The following ROBO1 variants were observed in gnomAD, a reference collection of about 807,000 sequenced individuals.
The protein encoded by ROBO1 is roundabout homolog 1.
A neutral mutation model predicts 195.9 loss-of-function variants in ROBO1; 149 were observed. The observed-to-expected ratio is 0.76, with a 90% confidence interval of 0.67 to 0.87. The LOEUF (loss-of-function observed/expected upper bound fraction) is 0.87, where lower values mean the gene tolerates loss of function less well. ROBO1 is among the 40% of genes least tolerant of loss of function. The pLI is 0.00. For missense variants in ROBO1, 1,933 were observed against 2,068.3 expected (o/e 0.93, Z 1.27); for synonymous variants, 816 against 733.2 (o/e 1.11, Z -1.82).
At chr3:79,028,698 T>A (rs183039755) in intron 3 of ROBO1, among the ~76,000 whole-genome samples, 134 of 152,078 alleles carry the variant, frequency 8.8e-4, no homozygotes, top group Admixed American at 4.2e-3. Context: ...AACCAACATA[T>A]GTAAGAGTAA....
intron 4 of ROBO1, among the ~76,000 whole-genome samples, chr3:78,868,834 T>C (rs1327812767): frequency 6.6e-6 from 1 of 152,168 alleles, no homozygotes; most frequent in Non-Finnish European, 1.5e-5. Flanking sequence ...GAACAATGGG[T>C]ATGTAGATGT....
intron 10 of ROBO1, among the ~76,000 whole-genome samples, chr3:78,682,743 TTATA>T (rs2080955451): frequency 6.8e-6 from 1 of 147,722 alleles, no homozygotes; most frequent in African/African-American, 2.5e-5. Context: ...ATCATATATA[TTATA>T]TATAATATAT....
intron 2 of ROBO1, among the ~76,000 whole-genome samples, chr3:79,416,623 A>C (rs949045970): frequency 6.6e-6 from 1 of 151,358 alleles, no homozygotes; most frequent in South Asian, 2.1e-4. Context: ...AAAAACCGAA[A>C]GAAAGAAAGA....
intron 8 of ROBO1, 66 bp downstream of exon 8, chr3:78,714,331 C>A: frequency 1.3e-6 from 2 of 1,502,240 alleles, no homozygotes; most frequent in Admixed American, 2.1e-5. Flanking sequence ...ATAATATTTT[C>A]TTCAATTATC....
At chr3:79,603,246 A>T (rs1944389268) in intron 1 of ROBO1, among the ~76,000 whole-genome samples, 1 of 148,096 alleles carries the variant, frequency 6.8e-6, no homozygotes, top group African/African-American at 2.6e-5. Context: ...TATCAAAACA[A>T]CCCTCCTCAT....
intron 2 of ROBO1, among the ~76,000 whole-genome samples, chr3:79,182,508 G>A (rs1196831971): frequency 1.3e-5 from 2 of 151,768 alleles, no homozygotes; most frequent in Non-Finnish European, 2.9e-5. Flanking sequence ...GATACATAAT[G>A]AAATAGGTCT....
At chr3:79,407,444 T>C (rs1041778002) in intron 2 of ROBO1, among the ~76,000 whole-genome samples, 1 of 152,224 alleles carries the variant, frequency 6.6e-6, no homozygotes, top group African/African-American at 2.4e-5. Context: ...TACAAATTTA[T>C]GACACTTGTT....
At chr3:79,219,211 T>C (rs936004963) in intron 2 of ROBO1, among the ~76,000 whole-genome samples, 1 of 151,972 alleles carries the variant, frequency 6.6e-6, no homozygotes, top group Non-Finnish European at 1.5e-5. Context: ...TTTTCAATTG[T>C]TTGTTTTTTG....
At chr3:79,054,974 C>T (rs1411815256) in intron 3 of ROBO1, among the ~76,000 whole-genome samples, 3 of 152,248 alleles carry the variant, frequency 2.0e-5, no homozygotes, top group African/African-American at 4.8e-5. Context: ...CAGTACAATG[C>T]TTGTCCACCT....
chr3:79,002,780 C>G (rs937486751), intron 3 of ROBO1, among the ~76,000 whole-genome samples: 1 of 152,104 alleles, frequency 6.6e-6, no homozygotes, highest in Non-Finnish European at 1.5e-5. Context: ...AAGTTGGAAA[C>G]AGTGTCTCGG....
At chr3:79,762,196 T>A (rs1341704485) in intron 1 of ROBO1, among the ~76,000 whole-genome samples, 1 of 152,134 alleles carries the variant, frequency 6.6e-6, no homozygotes, top group Non-Finnish European at 1.5e-5. Flanking sequence ...ATTTGGTGTC[T>A]GGGGAGGACC....
At chr3:79,234,388 T>G (rs577164510) in intron 2 of ROBO1, among the ~76,000 whole-genome samples, 1 of 152,238 alleles carries the variant, frequency 6.6e-6, no homozygotes, top group South Asian at 2.1e-4. Flanking sequence ...GGGGTCCAGT[T>G]TCATTCTGCA....
intron 2 of ROBO1, among the ~76,000 whole-genome samples, chr3:79,467,621 G>T (rs1938036147): frequency 6.6e-6 from 1 of 151,862 alleles, no homozygotes; most frequent in South Asian, 2.1e-4. Flanking sequence ...TACCCTTTTG[G>T]GCTCACCACC....
At chr3:78,681,115 C>T (rs991962369) in intron 10 of ROBO1, among the ~76,000 whole-genome samples, 5 of 150,186 alleles carry the variant, frequency 3.3e-5, no homozygotes, top group Non-Finnish European at 5.9e-5. Flanking sequence ...TTCTCACTCA[C>T]AGGTGGGAAT....
intron 3 of ROBO1, among the ~76,000 whole-genome samples, chr3:79,083,396 C>CTA (rs1378016235): frequency 6.6e-6 from 1 of 152,064 alleles, no homozygotes; most frequent in Non-Finnish European, 1.5e-5. Context: ...CATTGTTGTG[C>CTA]TATATATAGA....
At chr3:79,338,676 T>C (rs2034784669) in intron 2 of ROBO1, among the ~76,000 whole-genome samples, 1 of 152,184 alleles carries the variant, frequency 6.6e-6, no homozygotes, top group African/African-American at 2.4e-5. Flanking sequence ...TGCATTCTCA[T>C]TTGCTGGTAA....
chr3:79,570,389 C>T (rs1399983127), intron 2 of ROBO1, among the ~76,000 whole-genome samples: 2 of 151,866 alleles, frequency 1.3e-5, no homozygotes, highest in Non-Finnish European at 2.9e-5. Context: ...ACTATCCTAA[C>T]AAACTGGATT....
intron 1 of ROBO1, among the ~76,000 whole-genome samples, chr3:79,650,752 T>G (rs1945980458): frequency 1.3e-5 from 2 of 152,066 alleles, no homozygotes; most frequent in African/African-American, 2.4e-5. Flanking sequence ...AAAATAATAG[T>G]AATCTGAAGA....
intron 4 of ROBO1, among the ~76,000 whole-genome samples, chr3:78,751,612 CT>C (rs1002464275): frequency 6.6e-6 from 1 of 152,112 alleles, no homozygotes; most frequent in Admixed American, 6.6e-5. Flanking sequence ...ATATTTCAGA[CT>C]CATTCTATTG....
Sources: allele counts gnomAD v4.1 joint callset (sites outside exome capture counted in the v4.1 genomes callset), GRCh38; gene constraint gnomAD v4.1.1; transcripts MANE v1.5; gene names NCBI Gene and HGNC (gene_info 2026-07-23, HGNC 2026-07-21).